Variants in TMEM87A observed in about 807,000 individuals in gnomAD.
TMEM87A encodes the protein transmembrane protein 87A.
Under a neutral mutation model 90.0 loss-of-function variants are expected in TMEM87A, and 50 were observed. That is an observed-to-expected ratio of 0.56 (90% CI 0.44 to 0.70). TMEM87A has a LOEUF of 0.70. Ranked by LOEUF, TMEM87A falls within the 30% of genes least tolerant of loss-of-function variation. The pLI is 0.00. For synonymous variants in TMEM87A, 226 were observed against 226.7 expected (o/e 1.00, Z 0.03); for missense variants, 577 against 660.5 (o/e 0.87, Z 1.39).
In TMEM87A at chr15:42,264,128, T is replaced by A; in HGVS notation, c.367A>T (p.Lys123Ter). Reference sequence around the variant, plus strand: ...AGTTCACTGCAGTTCTGGAACAATTTTGATGATGTTTGATATTTCCCAGAC... The same window carrying A: ...AGTTCACTGCAGTTCTGGAACAATTATGATGATGTTTGATATTTCCCAGAC... ...GLSGKYQTSS[K>*]LFQNCSELFK... is the part of the protein sequence containing the mutation. Residue 123 changes from lysine (K) to a stop codon, truncating the protein, a stop_gained, in exon 4 of 20, where the codon AAA becomes TAA. Transcript: ENST00000389834. LOFTEE classifies it high-confidence loss of function. 1 of 1,613,852 alleles carries A rather than the reference T, an allele frequency of 6.2e-7. No homozygotes were observed. Among genetic ancestry groups the A allele is most frequent in the Non-Finnish European group, 8.5e-7 (1 of 1,179,868 alleles).
At chr15:42,241,415 T>G (rs1042831381) in intron 7 of TMEM87A, among the ~76,000 whole-genome samples, 1 of 152,120 alleles carries the variant, frequency 6.6e-6, no homozygotes, top group African/African-American at 2.4e-5. Context: ...GGAAATAACA[T>G]GAACAAAACA....
intron 19 of TMEM87A, among the ~76,000 whole-genome samples, chr15:42,213,130 TACC>T (rs2050322429): frequency 6.6e-6 from 1 of 152,186 alleles, no homozygotes; most frequent in Non-Finnish European, 1.5e-5. Context: ...CCCAGCACAG[TACC>T]ACATGATAGA....
In TMEM87A at chr15:42,226,882, C is replaced by T; in HGVS notation, c.1327G>A (p.Ala443Thr). The part of the protein sequence containing the change: ...SDWRELWVDD[A>T]IWRLLFSMIL... The stretch of plus-strand genomic sequence containing the variant: ...ATGGAGAACAGCAAGCGCCAGATGG[C>T]ATCGTCTACCCACAGCTCCCGCCAG... The change falls in exon 15 of 20, where the codon GCC becomes ACC. Residue 443 changes from alanine (A) to threonine (T), a missense_variant. Transcript: ENST00000389834. The T allele has an allele frequency of 6.2e-7, 1 of 1,614,070 alleles. No individual in the cohort carries two copies. Among genetic ancestry groups the T allele is most frequent in the Non-Finnish European group, 8.5e-7 (1 of 1,180,022 alleles).
At chr15:42,256,886 T>C (rs2051194902) in intron 6 of TMEM87A, among the ~76,000 whole-genome samples, 1 of 152,074 alleles carries the variant, frequency 6.6e-6, no homozygotes, top group Non-Finnish European at 1.5e-5. Context: ...TCTGGCTAAT[T>C]TTTCCATTTT....
intron 15 of TMEM87A, among the ~76,000 whole-genome samples, chr15:42,223,902 A>T (rs953276278): frequency 1.3e-5 from 2 of 152,246 alleles, no homozygotes; most frequent in African/African-American, 2.4e-5. Context: ...TTGTTGTTAA[A>T]TATGCAATTT....
intron 8 of TMEM87A, 29 bp downstream of exon 8, chr15:42,239,641 C>G: frequency 6.3e-7 from 1 of 1,586,794 alleles, no homozygotes; most frequent in Non-Finnish European, 8.7e-7. Context: ...CCATCCAATA[C>G]TGAGGTTAAA....
At chr15:42,213,664 G>C (rs2050332650) in intron 19 of TMEM87A, among the ~76,000 whole-genome samples, 1 of 152,200 alleles carries the variant, frequency 6.6e-6, no homozygotes, top group South Asian at 2.1e-4. Context: ...AAATCCCTCT[G>C]ATTGGGAATA....
intron 6 of TMEM87A, among the ~76,000 whole-genome samples, chr15:42,252,555 C>T (rs1221633748): frequency 6.6e-6 from 1 of 151,992 alleles, no homozygotes; most frequent in Admixed American, 6.6e-5. Context: ...AATATTCTTC[C>T]CATACCTTTC....
chr15:42,258,557 G>C (rs2051227127), intron 6 of TMEM87A: 1 of 371,890 alleles, frequency 2.7e-6, no homozygotes, highest in African/African-American at 2.2e-5. Context: ...CTCCTGAGTA[G>C]CTTGGATTAC....
At chr15:42,258,669 T>TG in intron 6 of TMEM87A, 2 of 1,106,054 alleles carry the variant, frequency 1.8e-6, no homozygotes, top group Non-Finnish European at 2.2e-6. Context: ...TCAAGTCATC[T>TG]GCCCACCTTG....
intron 6 of TMEM87A, among the ~76,000 whole-genome samples, chr15:42,251,305 T>C (rs143798754): frequency 6.6e-6 from 1 of 152,328 alleles, no homozygotes; most frequent in African/African-American, 2.4e-5. Context: ...CTGCAATCCT[T>C]TGGAGGAGAA....
intron 7 of TMEM87A, among the ~76,000 whole-genome samples, chr15:42,242,655 A>C (rs2050893900): frequency 6.6e-6 from 1 of 152,186 alleles, no homozygotes. Flanking sequence ...ACAATGATTT[A>C]ATGTTAGAAG....
Position 42,265,304 on chromosome 15 carries a change from G to A in TMEM87A, c.292-1101C>T, listed in dbSNP as rs2051381196. 2.0e-5 allele frequency among the ~76,000 whole-genome samples: 3 copies of A among 152,134 alleles called. No individual in the cohort carries two copies. In the South Asian group the frequency reaches 6.2e-4, roughly 32 times the overall value. The stretch of plus-strand genomic sequence containing the variant: ...TGCCACAGTGCTTTCCACAGTGGTT[G>A]AACTAATTTACACTCCCACTAACAA... On this transcript the variant is annotated intron_variant, in intron 3 of 19. Transcript: ENST00000389834.
intron 6 of TMEM87A, among the ~76,000 whole-genome samples, chr15:42,253,136 T>C (rs1354804952): frequency 2.0e-5 from 3 of 152,168 alleles, no homozygotes; most frequent in East Asian, 3.9e-4. Flanking sequence ...CTCCCAGTCT[T>C]TGCACCCTGG....
At chr15:42,226,617 T>G in intron 15 of TMEM87A, 189 bp downstream of exon 15, 2 of 557,344 alleles carry the variant, frequency 3.6e-6, no homozygotes, top group East Asian at 2.8e-5. Context: ...GCCAGAGAGG[T>G]GGAGAGGCTG....
chr15:42,263,117 A>G (rs1412555406), intron 4 of TMEM87A, among the ~76,000 whole-genome samples: 1 of 152,232 alleles, frequency 6.6e-6, no homozygotes, highest in Non-Finnish European at 1.5e-5. Flanking sequence ...TAATTAGATG[A>G]GGAGACCAAA....
rs535472070 is a variant in TMEM87A, at chr15:42,273,337, G to A, written c.62C>T (p.Pro21Leu). 20 of 1,614,140 alleles carry A rather than the reference G, an allele frequency of 1.2e-5. No individual in the cohort carries two copies. In the East Asian group the frequency reaches 3.6e-4, roughly 29 times the overall value. ...CGCACTGAAAAACGACAGTGGTGAC[G>A]GGTGAGCTCCCAGAAGCAGAAGAAT... ...PVILLLLGAH[P>L]SPLSFFSAGP... is the part of the protein sequence containing the mutation. The change falls in exon 1 of 20, where the codon CCG (proline) becomes CTG (leucine). Residue 21 changes from proline to leucine, a missense_variant. By Grantham distance (98) the Pro-to-Leu change is moderately conservative. Transcript: ENST00000389834.
intron 6 of TMEM87A, among the ~76,000 whole-genome samples, chr15:42,257,146 T>C (rs1410991050): frequency 6.6e-6 from 1 of 152,102 alleles, no homozygotes; most frequent in Non-Finnish European, 1.5e-5. Flanking sequence ...ACTGCTATGG[T>C]TTAGATATCT....
At chr15:42,217,115 G>A (rs779405042) in intron 19 of TMEM87A, among the ~76,000 whole-genome samples, 22 of 151,750 alleles carry the variant, frequency 1.4e-4, no homozygotes, top group Admixed American at 5.9e-4. Context: ...CACCATCTCC[G>A]GCTAATTTTT....
Sources: gnomAD v4.1 joint callset for allele counts (sites outside exome capture counted in the v4.1 genomes callset) on GRCh38, gnomAD v4.1.1 for gene constraint, MANE v1.5 for transcripts, NCBI Gene and HGNC (gene_info 2026-07-23, HGNC 2026-07-21) for gene names.